BCL2: variants seen among roughly 807,000 people sequenced by gnomAD.
BCL2 encodes the protein BCL2 apoptosis regulator, also known as apoptosis regulator Bcl-2.
In BCL2, 1 loss-of-function variant was observed where a neutral mutation model predicts 14.2. That is an observed-to-expected ratio of 0.07 (90% confidence interval 0.02 to 0.33). The LOEUF is 0.33. Ranked by LOEUF, BCL2 falls within the 10% of genes least tolerant of loss-of-function variation. The pLI, the probability that BCL2 is intolerant of heterozygous loss-of-function variation, is 0.99. For synonymous variants in BCL2, 151 were observed against 137.2 expected (o/e 1.10, Z -0.70); for missense variants, 247 against 305.9 (o/e 0.81, Z 1.44).
chr18:63,320,027 C>A (rs1913652029), upstream of BCL2: 1 of 148,812 alleles, frequency 6.7e-6, no homozygotes, highest in Non-Finnish European at 1.5e-5. Context: ...AGCCCCGGCA[C>A]CTTCGCTGGC....
At chr18:63,286,419 A>G (rs1397345220) in intron 2 of BCL2, among the ~76,000 whole-genome samples, 1 of 152,246 alleles carries the variant, frequency 6.6e-6, no homozygotes, top group African/African-American at 2.4e-5. Flanking sequence ...GACAAAGGAT[A>G]GGTTAATTTT....
chr18:63,165,050 AC>A (rs1219928574), intron 2 of BCL2, among the ~76,000 whole-genome samples: 1 of 152,206 alleles, frequency 6.6e-6, no homozygotes, highest in Non-Finnish European at 1.5e-5. Context: ...GTGCACATGT[AC>A]CCTAAAACTT....
At position 63,318,585 on chromosome 18, in the gene BCL2, A is replaced by G. The variant is rs1555711318; in HGVS notation, c.82T>C (p.Tyr28His). 6.2e-7 allele frequency: 1 copy of G among 1,606,036 alleles called. No homozygotes were observed. ...CCCACATCTCCCGCATCCCACTCGTAGCCCCTCTGCGACAGCTTATAATGG... is the reference window on the plus strand; with the variant it reads ...CCCACATCTCCCGCATCCCACTCGTGGCCCCTCTGCGACAGCTTATAATGG... ...YIHYKLSQRG[Y>H]EWDAGDVGAA... The change falls in exon 2 of 3, where the codon TAC (tyrosine) becomes CAC (histidine). Residue 28 changes from tyrosine (Y) to histidine (H), a missense_variant. By Grantham distance (83) the Tyr-to-His change is moderately conservative. Around this residue, in one of 3 missense-constraint regions of BCL2, gnomAD observed 144 missense variants for 135.3 expected, o/e 1.06. Coordinates refer to ENST00000333681, the MANE Select transcript of BCL2 (RefSeq NM_000633.3). This position sits in a 1 kb window ranked among gnomAD's most constrained non-coding sequence, Gnocchi z 7.4.
intron 2 of BCL2, among the ~76,000 whole-genome samples, chr18:63,219,398 G>T (rs1424527180): frequency 6.6e-6 from 1 of 151,322 alleles, no homozygotes; most frequent in Non-Finnish European, 1.5e-5. Context: ...GGAGGGCAGG[G>T]ATCTTCTCTA....
intron 2 of BCL2, among the ~76,000 whole-genome samples, chr18:63,305,568 G>C (rs1210978344): frequency 6.6e-6 from 1 of 151,956 alleles, no homozygotes; most frequent in Non-Finnish European, 1.5e-5. Context: ...TTTTTTTTTA[G>C]AAACTTTAAA....
intron 2 of BCL2, among the ~76,000 whole-genome samples, chr18:63,205,953 C>T (rs538326959): frequency 2.0e-5 from 3 of 152,274 alleles, no homozygotes; most frequent in Admixed American, 6.5e-5. Context: ...CACAGGCTTT[C>T]CCTGTAGTCC....
At chr18:63,185,497 C>T (rs1915574292) in intron 2 of BCL2, among the ~76,000 whole-genome samples, 1 of 152,204 alleles carries the variant, frequency 6.6e-6, no homozygotes, top group Non-Finnish European at 1.5e-5. Flanking sequence ...TCCTTCAGGG[C>T]TAGCTGCTTT....
chr18:63,239,066 C>T (rs1481459235), intron 2 of BCL2, among the ~76,000 whole-genome samples: 2 of 152,214 alleles, frequency 1.3e-5, no homozygotes, highest in Non-Finnish European at 2.9e-5. Context: ...TTTAAATTAC[C>T]TGATTGGGGG....
Position 63,149,052 on chromosome 18 carries a change from T to C in BCL2, c.586-20293A>G, listed in dbSNP as rs1599209043. Among the ~76,000 whole-genome samples, 1 of 152,324 alleles carries C rather than the reference T, an allele frequency of 6.6e-6. No individual in the cohort carries two copies. The highest frequency in any genetic ancestry group is 1.5e-5 in the Non-Finnish European group (1 of 68,036). On this transcript the variant is annotated intron_variant, in intron 2 of 2. Coordinates refer to ENST00000333681, the MANE Select transcript of BCL2 (RefSeq NM_000633.3). This position sits in a 1 kb window ranked among gnomAD's most constrained non-coding sequence, Gnocchi z 4.2. The stretch of plus-strand genomic sequence containing the variant: ...CTGCCCAGAGCCACGAAGTCATAAG[T>C]GTGCATGGAGCAGCGACGTGCTTAT...
At chr18:63,284,221 C>T (rs1912399498) in intron 2 of BCL2, among the ~76,000 whole-genome samples, 1 of 152,138 alleles carries the variant, frequency 6.6e-6, no homozygotes, top group African/African-American at 2.4e-5. Context: ...GGATTTATAA[C>T]ACTTCCTGGA....
chr18:63,250,570 T>G (rs1001804179), intron 2 of BCL2, among the ~76,000 whole-genome samples: 2 of 152,254 alleles, frequency 1.3e-5, no homozygotes, highest in African/African-American at 4.8e-5. Flanking sequence ...CGTTGGAGTC[T>G]TAATGGAGAA....
At chr18:63,196,405 G>A (rs1157861842) in intron 2 of BCL2, among the ~76,000 whole-genome samples, 1 of 152,126 alleles carries the variant, frequency 6.6e-6, no homozygotes. Flanking sequence ...TACTAATTAA[G>A]TATTGATAAA....
intron 2 of BCL2, among the ~76,000 whole-genome samples, chr18:63,259,534 A>T (rs1378221369): frequency 6.6e-6 from 1 of 152,268 alleles, no homozygotes; most frequent in Non-Finnish European, 1.5e-5. Context: ...GCATTTTATC[A>T]GCAGCAGAAT....
intron 2 of BCL2, among the ~76,000 whole-genome samples, chr18:63,137,911 G>A (rs745503338): frequency 4.6e-5 from 7 of 152,202 alleles, no homozygotes; most frequent in Non-Finnish European, 8.8e-5. Context: ...AGAGGTCAAA[G>A]GCTGTTTCTA....
chr18:63,270,825 AT>A (rs71162617), intron 2 of BCL2, among the ~76,000 whole-genome samples: 47 of 148,384 alleles, frequency 3.2e-4, no homozygotes, highest in South Asian at 6.4e-4. Context: ...AACTTGAAGA[AT>A]TTTTTTTTTT....
chr18:63,128,607 G>A lies in BCL2; in HGVS notation c.*18C>T, dbSNP rs1913977177. Reference sequence around the variant, plus strand: ...TAGTGAACCTTTTGCATATTTGTTTGGGGCAGGCATGTTGACTTCACTTGT... The same window carrying A: ...TAGTGAACCTTTTGCATATTTGTTTAGGGCAGGCATGTTGACTTCACTTGT... On this transcript the variant is annotated 3_prime_UTR_variant, in exon 3 of 3. Coordinates refer to ENST00000333681, the MANE Select transcript of BCL2 (RefSeq NM_000633.3). 1 of 778,986 alleles carries A rather than the reference G, an allele frequency of 1.3e-6. No individual in the cohort carries two copies. Among genetic ancestry groups the A allele is most frequent in the Non-Finnish European group, 2.4e-6 (1 of 416,980 alleles). 48.3% of individuals were successfully genotyped at this position (778,986 alleles called of 1,614,324 possible).
chr18:63,156,641 TGTTTAC>T (rs553652819), intron 2 of BCL2, among the ~76,000 whole-genome samples: 54 of 152,340 alleles, frequency 3.5e-4, no homozygotes, highest in Middle Eastern at 3.4e-3. Context: ...GTCCACCTGA[TGTTTAC>T]GTAAACAGAA....
intron 2 of BCL2, among the ~76,000 whole-genome samples, chr18:63,270,706 G>C (rs1911980767): frequency 6.6e-6 from 1 of 152,070 alleles, no homozygotes. Flanking sequence ...TTTCAATTTT[G>C]AACCATGATA....
intron 2 of BCL2, among the ~76,000 whole-genome samples, chr18:63,267,340 T>A (rs937243748): frequency 1.3e-5 from 2 of 151,966 alleles, no homozygotes; most frequent in African/African-American, 4.8e-5. Context: ...TTGCAGCAAC[T>A]CAAGGAGGAA....
Sources: allele counts gnomAD v4.1 joint callset (sites outside exome capture counted in the v4.1 genomes callset), GRCh38; gene constraint gnomAD v4.1.1; regional missense constraint gnomAD v4.1.1; non-coding constraint Gnocchi (gnomAD v3.1); transcripts MANE v1.5; gene names NCBI Gene and HGNC (gene_info 2026-07-23, HGNC 2026-07-21).